The following RAB38 variants were observed in gnomAD, a reference collection of about 807,000 sequenced individuals.
RAB38 encodes RAB38, member RAS oncogene family, also known as ras-related protein Rab-38.
A neutral mutation model predicts 18.4 loss-of-function variants in RAB38; 15 were observed. The observed-to-expected ratio is 0.82, with a 90% CI of 0.55 to 1.26. The LOEUF (loss-of-function observed/expected upper bound fraction) is 1.26. Among genes scored for constraint, RAB38 ranks in the 50% most tolerant of loss-of-function variants. RAB38 has a pLI of 0.00. For synonymous variants in RAB38, 101 were observed against 104.4 expected, an observed-to-expected ratio of 0.97 and a Z score of 0.20; for missense variants, 294 against 267.4, an observed-to-expected ratio of 1.10 and a Z score of -0.69.
At chr11:87,909,287 C>T in the RAB38 span, among the ~76,000 whole-genome samples, 303 of 151,844 alleles carry the variant, frequency 2.0e-3, 1 homozygote, top group African/African-American at 6.6e-3. Flanking sequence ...AATATCTTGA[C>T]TTGCTAAAGC....
the RAB38 span, among the ~76,000 whole-genome samples, chr11:87,963,644 T>C: frequency 7.0e-6 from 1 of 142,474 alleles, no homozygotes; most frequent in Non-Finnish European, 1.6e-5. Context: ...TGTATATTTC[T>C]TTTTTTCTTT....
At chr11:87,862,933 T>C in the RAB38 span, among the ~76,000 whole-genome samples, 1 of 151,894 alleles carries the variant, frequency 6.6e-6, no homozygotes, top group Admixed American at 6.6e-5. Context: ...GTAAAGCACA[T>C]ATTTTTAAAT....
the RAB38 span, among the ~76,000 whole-genome samples, chr11:87,941,218 T>G: frequency 7.7e-5 from 8 of 104,078 alleles, no homozygotes; most frequent in African/African-American, 1.9e-4. Context: ...ATATGAGATA[T>G]ATATATATAT....
At chr11:88,079,040 A>G in the RAB38 span, among the ~76,000 whole-genome samples, 2 of 151,746 alleles carry the variant, frequency 1.3e-5, no homozygotes, top group African/African-American at 4.8e-5. Flanking sequence ...AGAAAGTAGG[A>G]AAAAAATAGA....
chr11:87,956,985 G>GC, the RAB38 span, among the ~76,000 whole-genome samples: 1 of 150,934 alleles, frequency 6.6e-6, no homozygotes, highest in African/African-American at 2.4e-5. Context: ...CAGTTTTTTG[G>GC]GGGGGGGTCC....
chr11:87,870,883 AT>A, the RAB38 span, among the ~76,000 whole-genome samples: 1 of 151,472 alleles, frequency 6.6e-6, no homozygotes, highest in East Asian at 2.0e-4. Flanking sequence ...TGAAAACCAT[AT>A]TTTTTCATTT....
chr11:88,110,614 C>T (rs533710161), downstream of RAB38, among the ~76,000 whole-genome samples: 213 of 151,988 alleles, frequency 1.4e-3, 1 homozygote, highest in Non-Finnish European at 2.5e-3. Flanking sequence ...GTCAGGAGTT[C>T]GAGACCAGCC....
At chr11:88,092,118 C>A in the RAB38 span, among the ~76,000 whole-genome samples, 4 of 151,538 alleles carry the variant, frequency 2.6e-5, no homozygotes, top group Non-Finnish European at 5.9e-5. Context: ...ACTTTTGTTG[C>A]CATATTCTGG....
At chr11:88,139,558 G>A (rs949446743) in intron 2 of RAB38, among the ~76,000 whole-genome samples, 1 of 152,176 alleles carries the variant, frequency 6.6e-6, no homozygotes, top group Admixed American at 6.5e-5. Context: ...TTAGCAAAGT[G>A]CCTACTTGAA....
At chr11:88,108,739 G>A (rs989421290), downstream of RAB38, among the ~76,000 whole-genome samples, 4 of 152,118 alleles carry the variant, frequency 2.6e-5, no homozygotes, top group South Asian at 2.1e-4. Flanking sequence ...TCATAGTGTC[G>A]ATGGTCTTTA....
the RAB38 span, among the ~76,000 whole-genome samples, chr11:87,885,674 C>T: frequency 6.6e-6 from 1 of 151,886 alleles, no homozygotes; most frequent in Non-Finnish European, 1.5e-5. Context: ...CATGATTATC[C>T]CTCTAATCAT....
downstream of RAB38, among the ~76,000 whole-genome samples, chr11:88,110,521 AAAT>A (rs752801536): frequency 1.3e-3 from 198 of 152,172 alleles, 4 homozygotes; most frequent in Middle Eastern, 6.8e-3. Flanking sequence ...TAAAGTATAA[AAAT>A]AATAATAATA....
the RAB38 span, among the ~76,000 whole-genome samples, chr11:88,065,656 C>A: frequency 6.6e-6 from 1 of 152,274 alleles, no homozygotes; most frequent in African/African-American, 2.4e-5. Context: ...ATCAATTAAC[C>A]CAGCTAACAT....
chr11:87,938,793 A>G, the RAB38 span, among the ~76,000 whole-genome samples: 2 of 151,842 alleles, frequency 1.3e-5, no homozygotes, highest in Non-Finnish European at 2.9e-5. Context: ...AGTAAACCCT[A>G]TAATTCACCA....
the RAB38 span, among the ~76,000 whole-genome samples, chr11:87,940,313 A>C: frequency 6.6e-6 from 1 of 152,080 alleles, no homozygotes; most frequent in Non-Finnish European, 1.5e-5. Context: ...TTATATGAAG[A>C]ATGAGAAAGA....
At chr11:87,823,149 T>C in the RAB38 span, among the ~76,000 whole-genome samples, 1 of 152,142 alleles carries the variant, frequency 6.6e-6, no homozygotes, top group Non-Finnish European at 1.5e-5. Flanking sequence ...AGAAACTTGA[T>C]TAGCAGACAT....
At chr11:88,052,935 T>TTTCATATATATATATATATATC in the RAB38 span, among the ~76,000 whole-genome samples, 101 of 85,792 alleles carry the variant, frequency 1.2e-3, 2 homozygotes, top group East Asian at 2.5e-3. Flanking sequence ...TATATATATA[T>TTTCATATATATATATATATATC]ATATATATAA....
At chr11:87,812,576 G>A in the RAB38 span, among the ~76,000 whole-genome samples, 1 of 152,176 alleles carries the variant, frequency 6.6e-6, no homozygotes, top group Admixed American at 6.5e-5. Context: ...CTGTGTGATG[G>A]TTTCCCAATG....
chr11:88,077,004 A>G, the RAB38 span, among the ~76,000 whole-genome samples: 1 of 115,332 alleles, frequency 8.7e-6, no homozygotes, highest in Non-Finnish European at 2.0e-5. Flanking sequence ...AAAAGAAAAG[A>G]AAAGAAAAGA....
Sources: allele counts gnomAD v4.1 joint callset (sites outside exome capture counted in the v4.1 genomes callset), GRCh38; gene constraint gnomAD v4.1.1; transcripts MANE v1.5; gene names NCBI Gene and HGNC (gene_info 2026-07-23, HGNC 2026-07-21).